CLVS1: variants seen among roughly 807,000 people sequenced by gnomAD.
CLVS1 encodes the protein clavesin 1, also known as clavesin-1.
CLVS1 carries 10 observed loss-of-function variants against 33.1 expected under a neutral mutation model. The ratio of observed to expected loss-of-function variants is 0.30; its 90% CI spans 0.19 to 0.51. The LOEUF is 0.51. Among genes scored for constraint, CLVS1 ranks in the 20% least tolerant of loss-of-function variants. CLVS1 has a pLI of 0.97. For missense variants in CLVS1, 343 were observed against 433.4 expected, an observed-to-expected ratio of 0.79 and a Z score of 1.85; for synonymous variants, 163 against 166.1, an observed-to-expected ratio of 0.98 and a Z score of 0.14.
chr8:61,204,292 G>A (rs2129305738), intron 2 of CLVS1, among the ~76,000 whole-genome samples: 1 of 152,294 alleles, frequency 6.6e-6, no homozygotes, highest in Non-Finnish European at 1.5e-5. Context: ...ACTCCATGGT[G>A]CCTATGTTCT....
At chr8:61,078,229 T>C (rs1804961463) in intron 1 of CLVS1, among the ~76,000 whole-genome samples, 1 of 152,150 alleles carries the variant, frequency 6.6e-6, no homozygotes, top group South Asian at 2.1e-4. Flanking sequence ...CATTCTGCAG[T>C]GTGATTATGT....
chr8:61,347,015 A>T (rs1812245729), intron 2 of CLVS1, among the ~76,000 whole-genome samples: 1 of 152,182 alleles, frequency 6.6e-6, no homozygotes, highest in Non-Finnish European at 1.5e-5. Context: ...AAGCTAAAAA[A>T]CAAGAGTTTG....
At position 61,100,788 on chromosome 8, in the gene CLVS1, T is replaced by C. The variant is rs565436369; in HGVS notation, c.-242-30982T>C. Among the ~76,000 whole-genome samples, 167 of 152,272 alleles carry C rather than the reference T, an allele frequency of 1.1e-3. 5 individuals are homozygous for C. The highest frequency in any genetic ancestry group is 0.011 in the Admixed American group (165 of 15,286). On this transcript the variant is annotated intron_variant, in intron 1 of 2. Coordinates refer to the CLVS1 transcript ENST00000522621. ...GGGAACCACAATTCTATTTTCTATC[T>C]CTGTGGATTTGCCTATTTTGGACAT... is the stretch of plus-strand genomic sequence containing the variant.
intron 2 of CLVS1, 48 bp from the exon 3 acceptor site, chr8:61,376,557 T>G (rs1209738163): frequency 6.3e-7 from 1 of 1,575,344 alleles, no homozygotes; most frequent in Non-Finnish European, 8.7e-7. Flanking sequence ...CAACATGCTA[T>G]CACCTGCTCA....
At chr8:61,092,864 T>C (rs769359710) in intron 1 of CLVS1, among the ~76,000 whole-genome samples, 2 of 152,162 alleles carry the variant, frequency 1.3e-5, no homozygotes, top group Non-Finnish European at 2.9e-5. Flanking sequence ...CTTGAACATA[T>C]TGGGAGGCCA....
At chr8:61,332,987 A>G (rs576621798) in intron 2 of CLVS1, among the ~76,000 whole-genome samples, 1 of 152,146 alleles carries the variant, frequency 6.6e-6, no homozygotes, top group African/African-American at 2.4e-5. Flanking sequence ...ATCTCTACCA[A>G]CCTTTATTTA....
At chr8:61,144,225 G>A (rs977195303) in intron 2 of CLVS1, among the ~76,000 whole-genome samples, 11 of 151,984 alleles carry the variant, frequency 7.2e-5, no homozygotes, top group East Asian at 1.9e-4. Flanking sequence ...AACAGGCCCC[G>A]GTGTGTGATG....
At chr8:61,369,483 G>T (rs934484679) in intron 2 of CLVS1, among the ~76,000 whole-genome samples, 3 of 152,118 alleles carry the variant, frequency 2.0e-5, no homozygotes, top group Non-Finnish European at 2.9e-5. Context: ...AGACCCACAG[G>T]CCTAGAAGAG....
chr8:61,046,988 T>G, the CLVS1 span, among the ~76,000 whole-genome samples: 2 of 152,138 alleles, frequency 1.3e-5, no homozygotes, highest in African/African-American at 2.4e-5. Flanking sequence ...TATTTCCTTC[T>G]CCTGCCTAAT....
the CLVS1 span, among the ~76,000 whole-genome samples, chr8:61,048,382 G>A: frequency 4.6e-5 from 7 of 152,272 alleles, no homozygotes; most frequent in South Asian, 8.3e-4. Flanking sequence ...ACAGAATCCC[G>A]CAGAAGCCAT....
intron 2 of CLVS1, among the ~76,000 whole-genome samples, chr8:61,317,241 G>A (rs989620188): frequency 6.6e-6 from 1 of 152,178 alleles, no homozygotes; most frequent in African/African-American, 2.4e-5. Context: ...GTGTCCTGTT[G>A]CTGCTGCTTC....
intron 4 of CLVS1, 143 bp downstream of exon 4, chr8:61,454,394 T>C: frequency 1.5e-6 from 1 of 673,576 alleles, no homozygotes; most frequent in Non-Finnish European, 2.6e-6. Context: ...CCCCTAAGCA[T>C]TTAAGCCTCA....
At chr8:61,032,371 G>C in the CLVS1 span, among the ~76,000 whole-genome samples, 1 of 152,170 alleles carries the variant, frequency 6.6e-6, no homozygotes, top group African/African-American at 2.4e-5. Context: ...GCAGAGAATG[G>C]ACACGCTAAC....
At chr8:61,086,105 TA>T (rs1482602335) in intron 1 of CLVS1, among the ~76,000 whole-genome samples, 1 of 136,324 alleles carries the variant, frequency 7.3e-6, no homozygotes, top group Admixed American at 7.7e-5. Flanking sequence ...TGTGTGACTG[TA>T]ATCCCAGCTA....
At chr8:61,037,470 A>AT in the CLVS1 span, among the ~76,000 whole-genome samples, 2 of 152,174 alleles carry the variant, frequency 1.3e-5, no homozygotes, top group Admixed American at 1.3e-4. Flanking sequence ...ATTTCCTTCC[A>AT]TTTTAAGGCC....
the CLVS1 span, among the ~76,000 whole-genome samples, chr8:60,982,877 G>T: frequency 2.0e-4 from 31 of 152,246 alleles, no homozygotes; most frequent in Admixed American, 2.6e-4. Flanking sequence ...GTTTAAGGCT[G>T]CAGTGAACCA....
chr8:61,075,097 G>A (rs571386866), intron 1 of CLVS1, among the ~76,000 whole-genome samples: 3 of 152,168 alleles, frequency 2.0e-5, no homozygotes, highest in Non-Finnish European at 1.5e-5. Flanking sequence ...CATGCCATCC[G>A]TGACCCAGGC....
rs181771772 is a variant in CLVS1 at position 61,478,590 on chromosome 8, T to C, written c.977+20048T>C. 9.7e-4 allele frequency among the ~76,000 whole-genome samples: 148 copies of C among 152,340 alleles called. 1 individual carries two copies. Among genetic ancestry groups the C allele is most frequent in the African/African-American group, 3.3e-3 (137 of 41,582 alleles). On this transcript the variant is annotated intron_variant, in intron 5 of 5. Coordinates refer to ENST00000325897, the MANE Select transcript of CLVS1 (RefSeq NM_173519.3). ...TATGTAATGGCCTTCTATGTCTCTT[T>C]TGATCTTTGTTGGTTTAAAGTCTGT...
intron 5 of CLVS1, among the ~76,000 whole-genome samples, chr8:61,498,376 T>G (rs576383373): frequency 6.6e-6 from 1 of 152,348 alleles, no homozygotes; most frequent in Non-Finnish European, 1.5e-5. Context: ...ACTTGTAATG[T>G]GTAGGGTTTG....
Sources: allele counts gnomAD v4.1 joint callset (sites outside exome capture counted in the v4.1 genomes callset), GRCh38; gene constraint gnomAD v4.1.1; transcripts MANE v1.5; gene names NCBI Gene and HGNC (gene_info 2026-07-23, HGNC 2026-07-21).